The following NAALADL2 variants were observed in gnomAD, a reference collection of about 807,000 sequenced individuals.
The protein encoded by NAALADL2 is N-acetylated alpha-linked acidic dipeptidase like 2, also known as inactive N-acetylated-alpha-linked acidic dipeptidase-like protein 2.
NAALADL2 carries 76 observed loss-of-function variants against 87.2 expected under a neutral mutation model. The ratio of observed to expected loss-of-function variants is 0.87; its 90% CI spans 0.72 to 1.05. NAALADL2 has a LOEUF of 1.05. Among genes scored for constraint, NAALADL2 ranks in the 50% least tolerant of loss-of-function variants. The pLI is 0.00. For missense variants in NAALADL2, 1,089 were observed against 945.8 expected, an observed-to-expected ratio of 1.15 and a Z score of -1.99; for synonymous variants, 354 against 331.0, an observed-to-expected ratio of 1.07 and a Z score of -0.75.
At chr3:175,124,401 C>T (rs1208508608) in intron 2 of NAALADL2, 1 of 151,878 alleles carries the variant, frequency 6.6e-6, no homozygotes, top group Non-Finnish European at 1.5e-5. Flanking sequence ...GGTTTTCATC[C>T]TTACACTTTT....
intron 2 of NAALADL2, among the ~76,000 whole-genome samples, chr3:174,707,223 G>A (rs1243606658): frequency 6.6e-6 from 1 of 152,116 alleles, no homozygotes; most frequent in African/African-American, 2.4e-5. Context: ...CAACCGTTGT[G>A]GAAGACAGTG....
At chr3:175,369,904 G>T (rs963511860) in intron 5 of NAALADL2, among the ~76,000 whole-genome samples, 4 of 152,074 alleles carry the variant, frequency 2.6e-5, no homozygotes, top group Non-Finnish European at 5.9e-5. Context: ...CCTACATTCC[G>T]GTTTCTGAAG....
intron 2 of NAALADL2, among the ~76,000 whole-genome samples, chr3:175,215,883 G>A (rs1008757520): frequency 1.3e-5 from 2 of 152,158 alleles, no homozygotes; most frequent in Admixed American, 1.3e-4. Context: ...AGATAGACAG[G>A]CTAGGTGCTA....
chr3:174,989,805 G>A (rs187604236), intron 1 of NAALADL2, among the ~76,000 whole-genome samples: 1 of 152,246 alleles, frequency 6.6e-6, no homozygotes, highest in East Asian at 1.9e-4. Context: ...AATTGCATAT[G>A]GATATAGAAG....
rs562768631 is a variant in NAALADL2, at chr3:174,866,185, A to G, written c.43+6735A>G. Among the ~76,000 whole-genome samples, 23 of 152,064 alleles carry G rather than the reference A, an allele frequency of 1.5e-4. No individual in the cohort carries two copies. In the East Asian group the frequency reaches 3.9e-3, roughly 26 times the overall value. ...GATGATAGAAATTGAAATCATTTCT[A>G]TAGAGGATAAGAGACAGGCCTAACT... On this transcript the variant is annotated intron_variant, in intron 1 of 13. Coordinates refer to ENST00000454872, the MANE Select transcript of NAALADL2 (RefSeq NM_207015.3).
At chr3:175,098,592 T>C (rs1253161359) in intron 2 of NAALADL2, among the ~76,000 whole-genome samples, 2 of 152,136 alleles carry the variant, frequency 1.3e-5, no homozygotes, top group African/African-American at 2.4e-5. Context: ...CCACTAAGTG[T>C]CCTAGCAGTT....
At chr3:174,688,572 T>C (rs1394509808) in intron 2 of NAALADL2, among the ~76,000 whole-genome samples, 2 of 151,988 alleles carry the variant, frequency 1.3e-5, no homozygotes, top group African/African-American at 2.4e-5. Flanking sequence ...TTGGCTGTTA[T>C]TATTCTTCTC....
At chr3:175,233,420 G>GT (rs1560202408) in intron 2 of NAALADL2, among the ~76,000 whole-genome samples, 6 of 151,868 alleles carry the variant, frequency 4.0e-5, no homozygotes, top group South Asian at 2.1e-4. Context: ...GTATTAGTGG[G>GT]TTTTTTTGTT....
intron 1 of NAALADL2, among the ~76,000 whole-genome samples, chr3:174,938,953 T>C (rs1738147973): frequency 6.6e-6 from 1 of 151,972 alleles, no homozygotes; most frequent in African/African-American, 2.4e-5. Context: ...AGCAGATATT[T>C]TCTCCCATTC....
At chr3:175,565,883 G>A (rs1243772425) in intron 9 of NAALADL2, among the ~76,000 whole-genome samples, 1 of 133,080 alleles carries the variant, frequency 7.5e-6, no homozygotes, top group Non-Finnish European at 1.5e-5. Context: ...AGGCTGGAGT[G>A]CAGTGGTGCG....
At chr3:175,241,677 A>G (rs1478076926) in intron 3 of NAALADL2, among the ~76,000 whole-genome samples, 1 of 152,134 alleles carries the variant, frequency 6.6e-6, no homozygotes, top group East Asian at 1.9e-4. Flanking sequence ...AATATTTGTT[A>G]GAGAGAGTAC....
At chr3:175,653,756 C>T (rs1425500378) in intron 11 of NAALADL2, among the ~76,000 whole-genome samples, 2 of 152,122 alleles carry the variant, frequency 1.3e-5, no homozygotes, top group Non-Finnish European at 2.9e-5. Flanking sequence ...TCTCACAAGA[C>T]TTTCATGAGG....
At chr3:174,880,359 A>G (rs1439526886) in intron 1 of NAALADL2, among the ~76,000 whole-genome samples, 2 of 152,130 alleles carry the variant, frequency 1.3e-5, no homozygotes, top group Non-Finnish European at 2.9e-5. Flanking sequence ...TCAAGTAAAA[A>G]CAAGCAAAAA....
intron 5 of NAALADL2, among the ~76,000 whole-genome samples, chr3:175,441,076 A>G (rs1006367207): frequency 1.2e-4 from 19 of 152,112 alleles, no homozygotes; most frequent in African/African-American, 4.3e-4. Flanking sequence ...CTTTTTATGT[A>G]TTAGTCATTT....
At chr3:175,705,976 G>A (rs182929218) in intron 11 of NAALADL2, among the ~76,000 whole-genome samples, 4 of 152,128 alleles carry the variant, frequency 2.6e-5, no homozygotes, top group South Asian at 2.1e-4. Context: ...TGGCATTTTC[G>A]GCTTAATCAA....
intron 11 of NAALADL2, among the ~76,000 whole-genome samples, chr3:175,677,263 T>C (rs1013684675): frequency 1.3e-5 from 2 of 152,030 alleles, no homozygotes; most frequent in South Asian, 2.1e-4. Context: ...CTCCAGAAGC[T>C]GAAGCAGAAG....
chr3:175,308,748 G>A (rs894640024), intron 4 of NAALADL2, among the ~76,000 whole-genome samples: 2 of 152,184 alleles, frequency 1.3e-5, no homozygotes, highest in Non-Finnish European at 2.9e-5. Flanking sequence ...GGTTTGTACT[G>A]TTAAAAGAGT....
intron 1 of NAALADL2, among the ~76,000 whole-genome samples, chr3:174,508,476 A>G (rs974493745): frequency 6.6e-6 from 1 of 152,160 alleles, no homozygotes; most frequent in Admixed American, 6.5e-5. Flanking sequence ...ATTTCCACAT[A>G]AAGTATAAGA....
intron 5 of NAALADL2, among the ~76,000 whole-genome samples, chr3:175,412,534 T>C (rs544786339): frequency 1.1e-4 from 17 of 152,148 alleles, no homozygotes; most frequent in Non-Finnish European, 2.2e-4. Flanking sequence ...TAGATATTAG[T>C]TTTTCTTTCC....
Sources: gnomAD v4.1 joint callset for allele counts (sites outside exome capture counted in the v4.1 genomes callset) on GRCh38, gnomAD v4.1.1 for gene constraint, MANE v1.5 for transcripts, NCBI Gene and HGNC (gene_info 2026-07-23, HGNC 2026-07-21) for gene names.